The following LMX1B variants were observed in gnomAD, a reference collection of about 807,000 sequenced individuals.
LMX1B encodes LIM homeobox transcription factor 1-beta.
Under a neutral mutation model 51.4 loss-of-function variants are expected in LMX1B, and 12 were observed. That is an observed-to-expected ratio of 0.23 (90% CI 0.15 to 0.38). The LOEUF (loss-of-function observed/expected upper bound fraction) is 0.38, where lower values mean the gene tolerates loss of function less well. Among genes scored for constraint, LMX1B ranks in the 10% least tolerant of loss-of-function variants. The pLI, the probability that LMX1B is intolerant of heterozygous loss-of-function variation, is 1.00. For missense variants in LMX1B, 445 were observed against 571.1 expected (o/e 0.78, Z 2.25); for synonymous variants, 237 against 235.4 (o/e 1.01, Z -0.06).
intron 2 of LMX1B, among the ~76,000 whole-genome samples, chr9:126,662,647 G>A (rs1836267548): frequency 6.6e-6 from 1 of 152,242 alleles, no homozygotes; most frequent in African/African-American, 2.4e-5. Context: ...AGGTATGGGT[G>A]GAAGTGTGGG....
chr9:126,621,144 CAGTT>C (rs1310054515), intron 2 of LMX1B, among the ~76,000 whole-genome samples: 1 of 152,216 alleles, frequency 6.6e-6, no homozygotes, highest in Non-Finnish European at 1.5e-5. Flanking sequence ...ACTTTGGCAT[CAGTT>C]AGGCTGAAGG....
chr9:126,615,735 G>A lies in LMX1B; in HGVS notation c.326+166G>A, dbSNP rs1320451905. Among the ~76,000 whole-genome samples the A allele has an allele frequency of 6.6e-6, 1 of 152,064 alleles. No individual in the cohort carries two copies. Among genetic ancestry groups the A allele is most frequent in the Non-Finnish European group, 1.5e-5 (1 of 67,996 alleles). On this transcript the variant is annotated intron_variant, in intron 2 of 7. Coordinates refer to ENST00000373474, the MANE Select transcript of LMX1B (RefSeq NM_001174147.2). The surrounding 1 kb of genome is among the most constrained non-coding windows in gnomAD (Gnocchi z 6.0). ...CGCGTCTTGGGGCTGGGGCGGACCA[G>A]CCCAGCCCAGCGGGCACTGATGGGG...
In LMX1B at chr9:126,691,062, G is replaced by A. The variant is rs775029316; in HGVS notation, c.553G>A (p.Asp185Asn). ...LLSSVSPDES[D>N]SVKSEDEDGD... ...CAGCTCCGTGAGCCCCGACGAGTCC[G>A]ACTCCGGTGAGGCCTGGCCTGAGCT... The change falls in exon 3 of 8, where the codon GAC (aspartate) becomes AAC (asparagine). Residue 185 changes from aspartate to asparagine, a missense_variant. This residue lies in a region of LMX1B where 273 missense variants were observed against 343.3 expected (regional missense o/e 0.80). Coordinates refer to ENST00000373474, the MANE Select transcript of LMX1B (RefSeq NM_001174147.2). The A allele has an allele frequency of 1.2e-5, 20 of 1,607,980 alleles. No individual in the cohort carries two copies. The highest frequency in any genetic ancestry group is 6.7e-5 in the African/African-American group (5 of 74,760).
At chr9:126,667,909 C>T (rs1359820176) in intron 2 of LMX1B, among the ~76,000 whole-genome samples, 2 of 152,162 alleles carry the variant, frequency 1.3e-5, no homozygotes, top group East Asian at 3.9e-4. Context: ...ACGAGACACT[C>T]GGGTCTGGAA....
chr9:126,684,237 T>C (rs570693460), intron 2 of LMX1B, among the ~76,000 whole-genome samples: 2 of 152,264 alleles, frequency 1.3e-5, no homozygotes, highest in East Asian at 3.9e-4. Context: ...AGAATCTGCC[T>C]GGTCCCCAGT....
In LMX1B at chr9:126,698,042, A is replaced by T. The variant is rs1444883912; in HGVS notation, c.*1591A>T. 1 of 152,064 alleles carries T rather than the reference A, an allele frequency of 6.6e-6. No homozygotes were observed. The highest frequency in any genetic ancestry group is 1.5e-5 in the Non-Finnish European group (1 of 68,122). 9.4% of individuals were successfully genotyped at this position (152,064 alleles called of 1,614,324 possible). On this transcript the variant is annotated 3_prime_UTR_variant, in exon 8 of 8. Coordinates refer to ENST00000373474, the MANE Select transcript of LMX1B (RefSeq NM_001174147.2). The stretch of plus-strand genomic sequence containing the variant: ...AGGCATGCGCCACCACACCCAGCTA[A>T]TTTTGTATTTTTAGTAGCAACGGGG...
chr9:126,645,396 C>G (rs1202493637), intron 2 of LMX1B, among the ~76,000 whole-genome samples: 4 of 152,192 alleles, frequency 2.6e-5, no homozygotes, highest in Non-Finnish European at 5.9e-5. Flanking sequence ...GATCCCAAAT[C>G]CCTGCTGTAC....
intron 2 of LMX1B, among the ~76,000 whole-genome samples, chr9:126,680,146 AC>A (rs1369862050): frequency 6.6e-6 from 1 of 151,868 alleles, no homozygotes; most frequent in Non-Finnish European, 1.5e-5. Flanking sequence ...TCCCCCCATA[AC>A]CCTGGTGCCC....
At chr9:126,646,027 A>G (rs1001345643) in intron 2 of LMX1B, among the ~76,000 whole-genome samples, 3 of 152,162 alleles carry the variant, frequency 2.0e-5, no homozygotes, top group Admixed American at 1.3e-4. Flanking sequence ...ATACTTCCTG[A>G]GCCGATTATT....
At chr9:126,624,484 G>C (rs911877366) in intron 2 of LMX1B, among the ~76,000 whole-genome samples, 1 of 152,158 alleles carries the variant, frequency 6.6e-6, no homozygotes. Context: ...GAAAATTAGG[G>C]GTTGCGGGGG....
At chr9:126,690,537 C>T (rs917045556) in intron 2 of LMX1B, among the ~76,000 whole-genome samples, 2 of 152,232 alleles carry the variant, frequency 1.3e-5, no homozygotes, top group African/African-American at 4.8e-5. Context: ...TGAGTGGACC[C>T]TCCACACTGC....
chr9:126,630,797 C>G (rs895005553), intron 2 of LMX1B, among the ~76,000 whole-genome samples: 1 of 152,284 alleles, frequency 6.6e-6, no homozygotes. Flanking sequence ...CCAGGGTCTG[C>G]CCTCCTGCCC....
intron 2 of LMX1B, among the ~76,000 whole-genome samples, chr9:126,668,498 G>C (rs932491254): frequency 6.8e-6 from 1 of 146,906 alleles, no homozygotes. Flanking sequence ...CTGTCGCCCA[G>C]GCTGTAGTGC....
chr9:126,693,828 G>A lies in LMX1B; in HGVS notation c.886+16G>A, dbSNP rs1318092186. ...CTGGGCCAGGGTGAGCCGGGGCCGGGGCAGGGCCTGGGCCAGGGTGAGCTG... is the reference window on the plus strand; with the variant it reads ...CTGGGCCAGGGTGAGCCGGGGCCGGAGCAGGGCCTGGGCCAGGGTGAGCTG... On this transcript the variant is annotated intron_variant, in intron 6 of 7. Coordinates refer to ENST00000373474, the MANE Select transcript of LMX1B (RefSeq NM_001174147.2). The A allele has an allele frequency of 1.7e-6, 2 of 1,177,788 alleles. No homozygotes were observed. Among genetic ancestry groups the A allele is most frequent in the Non-Finnish European group, 1.2e-6 (1 of 820,074 alleles). 73.0% of individuals were successfully genotyped at this position (1,177,788 alleles called of 1,614,324 possible).
At chr9:126,665,977 G>A (rs1018384308) in intron 2 of LMX1B, among the ~76,000 whole-genome samples, 1 of 152,382 alleles carries the variant, frequency 6.6e-6, no homozygotes, top group African/African-American at 2.4e-5. Context: ...AACAAAGATC[G>A]GAGGAGGAGG....
At chr9:126,628,270 G>A (rs1320219441) in intron 2 of LMX1B, among the ~76,000 whole-genome samples, 1 of 152,172 alleles carries the variant, frequency 6.6e-6, no homozygotes, top group African/African-American at 2.4e-5. Flanking sequence ...CATCTCCCAG[G>A]GTCCCTGCCT....
chr9:126,627,280 T>G (rs1564147915), intron 2 of LMX1B, among the ~76,000 whole-genome samples: 1 of 151,992 alleles, frequency 6.6e-6, no homozygotes, highest in Non-Finnish European at 1.5e-5. Context: ...CAGGGACCCT[T>G]CTTCCCTTTT....
At chr9:126,637,777 G>GGGGT (rs1414891972) in intron 2 of LMX1B, among the ~76,000 whole-genome samples, 1 of 151,808 alleles carries the variant, frequency 6.6e-6, no homozygotes, top group East Asian at 1.9e-4. Context: ...AGGGGAGGGC[G>GGGGT]GGGTGATGAT....
At chr9:126,694,008 C>T (rs535024239) in intron 6 of LMX1B, among the ~76,000 whole-genome samples, 196 bp downstream of exon 6, 5 of 152,314 alleles carry the variant, frequency 3.3e-5, no homozygotes, top group African/African-American at 9.6e-5. Context: ...TTCTCAAAAG[C>T]CTTCCACCAA....
Sources: allele counts gnomAD v4.1 joint callset (sites outside exome capture counted in the v4.1 genomes callset), GRCh38; gene constraint gnomAD v4.1.1; regional missense constraint gnomAD v4.1.1; non-coding constraint Gnocchi (gnomAD v3.1); transcripts MANE v1.5; gene names NCBI Gene and HGNC (gene_info 2026-07-23, HGNC 2026-07-21).